MCF2L: variants seen among roughly 807,000 people sequenced by gnomAD.
MCF2L encodes the protein guanine nucleotide exchange factor DBS.
In MCF2L, 97 loss-of-function variants were observed where a neutral mutation model predicts 153.4. The ratio of observed to expected loss-of-function variants is 0.63; its 90% confidence interval spans 0.54 to 0.75. The LOEUF is 0.75. MCF2L is among the 30% of genes least tolerant of loss of function. The pLI, the probability that MCF2L is intolerant of heterozygous loss-of-function variation, is 0.00. For missense variants in MCF2L, 1,347 were observed against 1,495.2 expected (o/e 0.90, Z 1.64); for synonymous variants, 659 against 632.2 (o/e 1.04, Z -0.64).
chr13:112,971,468 C>T (rs970349957), intron 1 of MCF2L, among the ~76,000 whole-genome samples: 5 of 152,182 alleles, frequency 3.3e-5, no homozygotes, highest in South Asian at 2.1e-4. Flanking sequence ...TGAGGGATTG[C>T]GTACAGCGGC....
At chr13:113,066,940 T>C (rs1052701541) in intron 8 of MCF2L, among the ~76,000 whole-genome samples, 54 of 152,226 alleles carry the variant, frequency 3.5e-4, no homozygotes, top group African/African-American at 1.3e-3. Context: ...CACCCTGAGC[T>C]GCCTTCTCTG....
chr13:112,942,149 A>G (rs1372321564), intron 2 of MCF2L, among the ~76,000 whole-genome samples: 1 of 152,180 alleles, frequency 6.6e-6, no homozygotes. Flanking sequence ...AGTTATCTGG[A>G]GGCCTAACCG....
At chr13:112,986,043 G>A (rs932573209) in intron 1 of MCF2L, among the ~76,000 whole-genome samples, 2 of 152,238 alleles carry the variant, frequency 1.3e-5, no homozygotes, top group African/African-American at 4.8e-5. Context: ...CCGTGCGTGG[G>A]GCTGAGCAGG....
chr13:112,997,855 C>A (rs1349530880), intron 1 of MCF2L, among the ~76,000 whole-genome samples: 1 of 152,254 alleles, frequency 6.6e-6, no homozygotes, highest in Admixed American at 6.5e-5. Context: ...AGCTGCTGAT[C>A]TGGGGCTGGC....
chr13:112,920,668 G>A (rs2081342802), intron 2 of MCF2L, among the ~76,000 whole-genome samples: 1 of 150,874 alleles, frequency 6.6e-6, no homozygotes, highest in African/African-American at 2.4e-5. Context: ...TGGGTGCCAG[G>A]GGGAGGGCTT....
intron 1 of MCF2L, among the ~76,000 whole-genome samples, chr13:112,981,197 C>T (rs1338541974): frequency 6.6e-6 from 1 of 152,192 alleles, no homozygotes; most frequent in Non-Finnish European, 1.5e-5. Context: ...ACGTCCCCTT[C>T]CTGTGCCTGA....
At chr13:113,030,489 C>T (rs1163377700) in intron 3 of MCF2L, among the ~76,000 whole-genome samples, 8 of 147,666 alleles carry the variant, frequency 5.4e-5, no homozygotes, top group South Asian at 4.3e-4. Flanking sequence ...TGTCCGCCGA[C>T]GCCCGGTGTG....
At chr13:112,979,657 A>G in intron 1 of MCF2L, 1 of 1,612,842 alleles carries the variant, frequency 6.2e-7, no homozygotes, top group Non-Finnish European at 8.5e-7. Context: ...CCTTTGTGAC[A>G]GGGCGGTTCG....
Position 113,087,428 on chromosome 13 carries a change from C to T in MCF2L, c.2567C>T (p.Pro856Leu). Residue 856 changes from proline to leucine, a missense_variant, in exon 22 of 30, where the codon CCC becomes CTC. Coordinates refer to ENST00000535094, the MANE Select transcript of MCF2L (RefSeq NM_001112732.3). The stretch of plus-strand genomic sequence containing the variant: ...AATGGGGAGGGGTATGAGAAAGCTC[C>T]CTCCTACAGCTACAAGCAGTCCTTA... Reference protein sequence around the residue: ...EENGEGYEKAPSYSYKQSLNM... With the variant: ...EENGEGYEKALSYSYKQSLNM... 6.2e-7 allele frequency: 1 copy of T among 1,611,920 alleles called. No homozygotes were observed. Among genetic ancestry groups the T allele is most frequent in the South Asian group, 1.1e-5 (1 of 90,916 alleles).
In MCF2L at chr13:113,035,145, G is replaced by A. The variant is rs970362350; in HGVS notation, c.279-10126G>A. On this transcript the variant is annotated intron_variant, in intron 3 of 29. Coordinates refer to ENST00000535094, the MANE Select transcript of MCF2L (RefSeq NM_001112732.3). The surrounding 1 kb of genome is among the most constrained non-coding windows in gnomAD (Gnocchi z 4.4). ...TGATATTCACTTCCAACCACACGAG[G>A]GTGCAGCTGGGCAACCGCAGCTTTT... 3.3e-5 allele frequency among the ~76,000 whole-genome samples: 5 copies of A among 152,230 alleles called. No homozygotes were observed. The highest frequency in any genetic ancestry group is 1.2e-4 in the African/African-American group (5 of 41,460).
chr13:112,916,509 C>T (rs1303874028), intron 2 of MCF2L, among the ~76,000 whole-genome samples: 2 of 152,124 alleles, frequency 1.3e-5, no homozygotes, highest in African/African-American at 4.8e-5. Flanking sequence ...CCTGTGAGGT[C>T]CTCTCCCTTC....
chr13:113,075,134 C>G lies in MCF2L; in HGVS notation c.1253C>G (p.Ala418Gly). The change falls in exon 11 of 30, where the codon GCA (alanine) becomes GGA (glycine). Residue 418 changes from alanine (A) to glycine (G), a missense_variant. By Grantham distance (60) the Ala-to-Gly change is moderately conservative. Transcript: ENST00000535094. Reference sequence around the variant, plus strand: ...TGTGACCAGTTCTCTGCGGAGATCGCAAGGAGGAGGGGGCTGCTCAGCAAG... The same window carrying G: ...TGTGACCAGTTCTCTGCGGAGATCGGAAGGAGGAGGGGGCTGCTCAGCAAG... ...HLCDQFSAEI[A>G]RRRGLLSKSL... is the part of the protein sequence containing the mutation. The G allele has an allele frequency of 6.2e-7, 1 of 1,612,902 alleles. No individual in the cohort carries two copies. Among genetic ancestry groups the G allele is most frequent in the Non-Finnish European group, 8.5e-7 (1 of 1,179,744 alleles).
chr13:112,928,234 C>T (rs999043265), intron 2 of MCF2L, among the ~76,000 whole-genome samples: 1 of 152,204 alleles, frequency 6.6e-6, no homozygotes, highest in Non-Finnish European at 1.5e-5. Context: ...CGTGCACCAA[C>T]GTTGTTGCAG....
intron 4 of MCF2L, among the ~76,000 whole-genome samples, chr13:113,047,795 C>T (rs571410861): frequency 3.3e-5 from 5 of 152,282 alleles, no homozygotes; most frequent in South Asian, 2.1e-4. Context: ...CGCCTCGCTA[C>T]GTGTGCCCCG....
chr13:112,922,381 T>C (rs1471963621), intron 2 of MCF2L, among the ~76,000 whole-genome samples: 1 of 152,212 alleles, frequency 6.6e-6, no homozygotes, highest in African/African-American at 2.4e-5. Flanking sequence ...GAGGTTTTCT[T>C]TTTCTGTCCT....
chr13:112,926,560 C>G (rs2081409289), intron 2 of MCF2L, among the ~76,000 whole-genome samples: 1 of 152,144 alleles, frequency 6.6e-6, no homozygotes, highest in Admixed American at 6.5e-5. Flanking sequence ...TGCTGTGCCA[C>G]CTGGTCGATA....
chr13:112,894,744 C>A (rs1021636227), intron 1 of MCF2L, among the ~76,000 whole-genome samples: 1 of 152,136 alleles, frequency 6.6e-6, no homozygotes, highest in Non-Finnish European at 1.5e-5. Flanking sequence ...GGCCCTCACA[C>A]CCCGGCAGGT....
chr13:113,022,527 C>G (rs900243395), intron 2 of MCF2L, among the ~76,000 whole-genome samples: 1 of 152,238 alleles, frequency 6.6e-6, no homozygotes, highest in African/African-American at 2.4e-5. Context: ...GTGCTGGAAG[C>G]TTCTGGCCCC....
At chr13:113,057,611 GTGCTGTGTGTTTGGGTGCTGAGTGTT>G (rs1356252568) in intron 4 of MCF2L, among the ~76,000 whole-genome samples, 264 of 136,684 alleles carry the variant, frequency 1.9e-3, no homozygotes, top group South Asian at 8.3e-3. Context: ...GTGTGTTTGA[GTGCTGTGTGTTTGGGTGCTGAGTGTT>G]TGGGTGCTGA....
Sources: gnomAD v4.1 joint callset for allele counts (sites outside exome capture counted in the v4.1 genomes callset) on GRCh38, gnomAD v4.1.1 for gene constraint, Gnocchi (gnomAD v3.1) non-coding constraint, MANE v1.5 for transcripts, NCBI Gene and HGNC (gene_info 2026-07-23, HGNC 2026-07-21) for gene names.